GRID2: variants seen among roughly 807,000 people sequenced by gnomAD.
GRID2 encodes the protein glutamate receptor ionotropic, delta-2.
GRID2 carries 33 observed loss-of-function variants against 114.8 expected under a neutral mutation model. The ratio of observed to expected loss-of-function variants is 0.29; its 90% CI spans 0.22 to 0.38. The LOEUF (loss-of-function observed/expected upper bound fraction) is 0.38. Ranked by LOEUF, GRID2 falls within the 10% of genes least tolerant of loss-of-function variation. GRID2 has a pLI of 1.00. For missense variants in GRID2, 1,184 were observed against 1,257.7 expected (o/e 0.94, Z 0.89); for synonymous variants, 505 against 449.9 (o/e 1.12, Z -1.55).
chr4:92,955,237 GT>G (rs1366603886), intron 2 of GRID2, among the ~76,000 whole-genome samples: 82 of 143,604 alleles, frequency 5.7e-4, no homozygotes, highest in Non-Finnish European at 1.0e-3. Flanking sequence ...CACCAACAGT[GT>G]AAAAGTGTTC....
intron 1 of GRID2, among the ~76,000 whole-genome samples, chr4:92,585,945 G>A (rs1176278327): frequency 1.3e-5 from 2 of 151,770 alleles, no homozygotes; most frequent in Non-Finnish European, 1.5e-5. Context: ...TTTAATTTAG[G>A]TTTAGGTGTA....
downstream of GRID2, among the ~76,000 whole-genome samples, chr4:93,775,961 A>G (rs925602547): frequency 2.0e-5 from 3 of 152,322 alleles, no homozygotes; most frequent in Middle Eastern, 3.4e-3. Flanking sequence ...AGATGGGAAG[A>G]TCCATTTACC....
intron 9 of GRID2, among the ~76,000 whole-genome samples, chr4:93,406,273 A>AGGG (rs1766405368): frequency 6.6e-6 from 1 of 152,190 alleles, no homozygotes; most frequent in Non-Finnish European, 1.5e-5. Context: ...GTTGGAAACA[A>AGGG]CTAAATGATC....
chr4:93,109,083 A>G (rs1416607988), intron 3 of GRID2, among the ~76,000 whole-genome samples: 2 of 152,202 alleles, frequency 1.3e-5, no homozygotes, highest in Admixed American at 1.3e-4. Context: ...ACCAGTGTCA[A>G]CCAAAGTCCA....
At position 93,082,044 on chromosome 4, in the gene GRID2, G is replaced by A. The variant is rs1339072802; in HGVS notation, c.245-2951G>A. Reference sequence around the variant, plus strand: ...AATTTCTATCTGCCATGCTTCAACCGACATTTTGTTTTGGTAAAATAGGGC... The same window carrying A: ...AATTTCTATCTGCCATGCTTCAACCAACATTTTGTTTTGGTAAAATAGGGC... On this transcript the variant is annotated intron_variant, in intron 2 of 15. Transcript: ENST00000282020. Among the ~76,000 whole-genome samples the A allele has an allele frequency of 3.9e-5, 6 of 152,110 alleles. No individual in the cohort carries two copies. In the East Asian group the frequency reaches 1.2e-3, roughly 29 times the overall value.
At chr4:93,084,526 C>T (rs992730551) in intron 2 of GRID2, among the ~76,000 whole-genome samples, 26 of 152,314 alleles carry the variant, frequency 1.7e-4, no homozygotes, top group African/African-American at 6.0e-4. Flanking sequence ...TCCAAACCTT[C>T]ATCTTTCTGT....
chr4:92,569,557 C>G (rs1390037195), intron 1 of GRID2, among the ~76,000 whole-genome samples: 1 of 152,020 alleles, frequency 6.6e-6, no homozygotes, highest in Non-Finnish European at 1.5e-5. Context: ...CATTGTCTTC[C>G]ACAAGGGTTG....
intron 14 of GRID2, among the ~76,000 whole-genome samples, chr4:93,727,027 A>C (rs1232180601): frequency 6.6e-6 from 1 of 152,162 alleles, no homozygotes; most frequent in African/African-American, 2.4e-5. Flanking sequence ...ACTATGTTGA[A>C]TAGGAGTGGC....
rs1186387054 is a variant in GRID2 at position 93,769,465 on chromosome 4, G to T, written c.2601+15G>T. ...CATCAAAAGAGGTACTTGATTGAGA[G>T]ATTTGGCTCTAAATTGAATCAACAA... is the stretch of plus-strand genomic sequence containing the variant. On this transcript the variant is annotated intron_variant, in intron 15 of 15. Coordinates refer to ENST00000282020, the MANE Select transcript of GRID2 (RefSeq NM_001510.4). The T allele has an allele frequency of 2.5e-6, 4 of 1,612,846 alleles. No homozygotes were observed. The highest frequency in any genetic ancestry group is 3.4e-6 in the Non-Finnish European group (4 of 1,179,500).
chr4:93,428,957 A>G (rs1438024930), intron 10 of GRID2, among the ~76,000 whole-genome samples: 1 of 152,200 alleles, frequency 6.6e-6, no homozygotes, highest in Non-Finnish European at 1.5e-5. Flanking sequence ...TTGGAAAAGC[A>G]AAAAGAAAAA....
chr4:92,418,576 G>A (rs1731735756), intron 1 of GRID2, among the ~76,000 whole-genome samples: 1 of 152,080 alleles, frequency 6.6e-6, no homozygotes, highest in African/African-American at 2.4e-5. Flanking sequence ...AGGCAGATCA[G>A]AGATTTAAAT....
chr4:92,522,142 T>C (rs1724815816), intron 1 of GRID2, among the ~76,000 whole-genome samples: 1 of 151,778 alleles, frequency 6.6e-6, no homozygotes, highest in Non-Finnish European at 1.5e-5. Flanking sequence ...AGGTGATATA[T>C]GAGCGAATTC....
chr4:93,041,197 A>C (rs1043904958), intron 2 of GRID2, among the ~76,000 whole-genome samples: 8 of 152,192 alleles, frequency 5.3e-5, no homozygotes, highest in African/African-American at 1.4e-4. Context: ...TTTTGTTTGC[A>C]TACTGATAGT....
intron 2 of GRID2, among the ~76,000 whole-genome samples, chr4:92,591,562 A>AT (rs1348440905): frequency 2.0e-5 from 3 of 152,056 alleles, no homozygotes; most frequent in Non-Finnish European, 2.9e-5. Context: ...GTTGGGCAGG[A>AT]TTTTTTTTGT....
chr4:92,931,224 C>T lies in GRID2; in HGVS notation c.245-153771C>T, dbSNP rs74933247. The stretch of plus-strand genomic sequence containing the variant: ...TTTGAAAATCAACTCACTAATTCAC[C>T]ATATTAATAGAATAAAGGAGAAATA... On this transcript the variant is annotated intron_variant, in intron 2 of 15. Coordinates refer to ENST00000282020, the MANE Select transcript of GRID2 (RefSeq NM_001510.4). Among the ~76,000 whole-genome samples the T allele has an allele frequency of 9.1e-3, 1,369 of 150,598 alleles. 19 individuals are homozygous for T. Among genetic ancestry groups the T allele is most frequent in the African/African-American group, 0.031 (1,264 of 41,236 alleles).
At chr4:92,663,406 G>A (rs1025941342) in intron 2 of GRID2, among the ~76,000 whole-genome samples, 1 of 151,078 alleles carries the variant, frequency 6.6e-6, no homozygotes, top group African/African-American at 2.4e-5. Flanking sequence ...TACTAGTCAG[G>A]AAGTAACTGG....
intron 2 of GRID2, among the ~76,000 whole-genome samples, chr4:92,871,549 C>G (rs1370052934): frequency 6.6e-6 from 1 of 152,248 alleles, no homozygotes; most frequent in Non-Finnish European, 1.5e-5. Context: ...GCTGTACATT[C>G]AGGGTTCTCT....
intron 2 of GRID2, chr4:92,822,492 C>G: frequency 2.3e-6 from 1 of 426,106 alleles, no homozygotes; most frequent in South Asian, 1.9e-5. Flanking sequence ...CTGAGTGGCT[C>G]TCCACCTGGA....
chr4:92,651,235 C>T (rs557445602), intron 2 of GRID2, among the ~76,000 whole-genome samples: 1 of 152,140 alleles, frequency 6.6e-6, no homozygotes, highest in South Asian at 2.1e-4. Flanking sequence ...CAGTCCGATG[C>T]AATCAACTTG....
Sources: gnomAD v4.1 joint callset for allele counts (sites outside exome capture counted in the v4.1 genomes callset) on GRCh38, gnomAD v4.1.1 for gene constraint, MANE v1.5 for transcripts, NCBI Gene and HGNC (gene_info 2026-07-23, HGNC 2026-07-21) for gene names.